C16orf87: variants seen among roughly 807,000 people sequenced by gnomAD.
C16orf87 encodes the protein HDAC and MIER1 interacting protein 1, also known as UPF0547 protein C16orf87.
A neutral mutation model predicts 21.0 loss-of-function variants in C16orf87; 13 were observed. That is an observed-to-expected ratio of 0.62 (90% CI 0.40 to 0.98). The LOEUF is 0.98. C16orf87 is among the 50% of genes least tolerant of loss of function. The pLI is 0.00. For missense variants in C16orf87, 113 were observed against 180.4 expected, an observed-to-expected ratio of 0.63 and a Z score of 2.14; for synonymous variants, 49 against 60.2, an observed-to-expected ratio of 0.81 and a Z score of 0.86.
chr16:46,812,500 A>G (rs1017177984), intron 2 of C16orf87, among the ~76,000 whole-genome samples: 3 of 152,226 alleles, frequency 2.0e-5, no homozygotes, highest in African/African-American at 7.2e-5. Flanking sequence ...TTGCTTCAAA[A>G]TGATGCAAAG....
rs1414060144 is a variant in C16orf87, at chr16:46,800,968, A to C, written c.*1984T>G. On this transcript the variant is annotated 3_prime_UTR_variant, in exon 4 of 4. Transcript: ENST00000285697. ...AGTACCTCCTTTACCATATCCAATGAATATTTTAACATGACTTTCCTGTAA... is the reference window on the plus strand; with the variant it reads ...AGTACCTCCTTTACCATATCCAATGCATATTTTAACATGACTTTCCTGTAA... The C allele has an allele frequency of 6.6e-6, 1 of 152,192 alleles. No individual in the cohort carries two copies. The highest frequency in any genetic ancestry group is 1.5e-5 in the Non-Finnish European group (1 of 68,018). 9.4% of individuals were successfully genotyped at this position (152,192 alleles called of 1,614,324 possible).
Position 46,799,974 on chromosome 16 carries a change from A to G in C16orf87, c.*2978T>C, listed in dbSNP as rs1037987998. 5 of 152,204 alleles carry G rather than the reference A, an allele frequency of 3.3e-5. No homozygotes were observed. The highest frequency in any genetic ancestry group is 2.0e-4 in the Admixed American group (3 of 15,276). The allele number at this position is 152,204 out of a possible 1,614,324, so 9.4% of individuals were successfully genotyped here. On this transcript the variant is annotated 3_prime_UTR_variant, in exon 4 of 4. Transcript: ENST00000285697. ...TTATATAAAAGTAAGTAAAGAGCTTAATTTTTCTAAATTTAAGACAAACAT... is the reference window on the plus strand; with the variant it reads ...TTATATAAAAGTAAGTAAAGAGCTTGATTTTTCTAAATTTAAGACAAACAT...
chr16:46,814,159 T>A (rs527991350), intron 2 of C16orf87, among the ~76,000 whole-genome samples: 1 of 152,310 alleles, frequency 6.6e-6, no homozygotes, highest in African/African-American at 2.4e-5. Flanking sequence ...ACCTGATGGT[T>A]CTGATAAGAA....
chr16:46,809,844 T>C, intron 2 of C16orf87, 59 bp from the exon 3 acceptor site: 1 of 1,066,022 alleles, frequency 9.4e-7, no homozygotes, highest in Admixed American at 2.2e-5. Flanking sequence ...TTTGCCCAAG[T>C]TCTCATTGTC....
chr16:46,802,283 T>C lies in C16orf87; in HGVS notation c.*669A>G, dbSNP rs1250262353. On this transcript the variant is annotated 3_prime_UTR_variant, in exon 4 of 4. Transcript: ENST00000285697. ...TACATTCAAGAAAACAAGGTGTTTA[T>C]ATCTGAGTATATCATTAAATGTTTT... 6.6e-6 allele frequency: 1 copy of C among 152,424 alleles called. No homozygotes were observed. The highest frequency in any genetic ancestry group is 1.9e-4 in the East Asian group (1 of 5,206). The allele number at this position is 152,424 out of a possible 1,614,324, so 9.4% of individuals were successfully genotyped here.
intron 2 of C16orf87, among the ~76,000 whole-genome samples, chr16:46,815,314 AC>A (rs752898516): frequency 2.6e-5 from 4 of 152,068 alleles, no homozygotes; most frequent in Non-Finnish European, 4.4e-5. Flanking sequence ...AAGCTTCATG[AC>A]ATTGGATTTT....
chr16:46,806,343 C>T (rs1967927926), intron 3 of C16orf87, among the ~76,000 whole-genome samples: 1 of 151,650 alleles, frequency 6.6e-6, no homozygotes, highest in Non-Finnish European at 1.5e-5. Flanking sequence ...CTGCAACCTC[C>T]GCCTCCTGGG....
intron 2 of C16orf87, among the ~76,000 whole-genome samples, chr16:46,822,351 T>C (rs544144178): frequency 1.3e-5 from 2 of 152,362 alleles, no homozygotes; most frequent in East Asian, 3.9e-4. Flanking sequence ...CCATGTCTTA[T>C]TCATTTTTAG....
chr16:46,814,985 C>G (rs572630758), intron 2 of C16orf87, among the ~76,000 whole-genome samples: 21 of 152,056 alleles, frequency 1.4e-4, no homozygotes, highest in Non-Finnish European at 3.1e-4. Context: ...TACTACAAAG[C>G]TATAATAATC....
intron 1 of C16orf87, 63 bp downstream of exon 1, chr16:46,831,021 C>A: frequency 1.4e-6 from 2 of 1,386,744 alleles, no homozygotes; most frequent in Non-Finnish European, 2.0e-6. Flanking sequence ...CGAGGCCCCC[C>A]TCCACAGACA....
rs2143023622 is a variant in C16orf87, at chr16:46,800,175, CCTTT to C, written c.*2773_*2776del. On this transcript the variant is annotated 3_prime_UTR_variant, in exon 4 of 4. Transcript: ENST00000285697. Reference sequence around the variant, plus strand: ...GGAAGCAACTCAGAGGTCATACTGACCTTTTTTTTTTTTTTCTTAAGTATTTCTG... The same window carrying C: ...GGAAGCAACTCAGAGGTCATACTGACTTTTTTTTTTTCTTAAGTATTTCTG... The C allele has an allele frequency of 1.6e-5, 1 of 60,624 alleles. No homozygotes were observed. Among genetic ancestry groups the C allele is most frequent in the African/African-American group, 3.8e-5 (1 of 26,242 alleles). 3.8% of individuals were successfully genotyped at this position (60,624 alleles called of 1,614,324 possible). A position where few individuals can be genotyped will look rare whatever the true frequency, so the allele number is the denominator to read the frequency against.
chr16:46,804,437 T>G (rs1967864343), intron 3 of C16orf87, among the ~76,000 whole-genome samples: 1 of 152,186 alleles, frequency 6.6e-6, no homozygotes, highest in Non-Finnish European at 1.5e-5. Flanking sequence ...GTAGCAAATT[T>G]TTTGAGACCC....
rs1967652724 is a variant in C16orf87 at position 46,797,730 on chromosome 16, C to T, written c.*5222G>A. On this transcript the variant is annotated 3_prime_UTR_variant, in exon 4 of 4. Transcript: ENST00000285697. The stretch of plus-strand genomic sequence containing the variant: ...AGTGGTAAGATTTTTCTACATTCCA[C>T]TTGAACTGGTAAAATATTGACTTCT... 1 of 152,134 alleles carries T rather than the reference C, an allele frequency of 6.6e-6. No homozygotes were observed. The highest frequency in any genetic ancestry group is 2.4e-5 in the African/African-American group (1 of 41,426). 9.4% of individuals were successfully genotyped at this position (152,134 alleles called of 1,614,324 possible). A position where few individuals can be genotyped will look rare whatever the true frequency, so the allele number is the denominator to read the frequency against.
rs958229315 is a variant in C16orf87, at chr16:46,809,717, T to G, written c.232A>C (p.Asn78His). ...VRREKINSTVNKDLENRKRSR... is the reference protein window; with the variant it reads ...VRREKINSTVHKDLENRKRSR... ...CTCTTTCTGTTTTCTAAATCTTTAT[T>G]TACTGTAGAATTTATCTTCTCTCTC... Residue 78 changes from asparagine to histidine, a missense_variant, in exon 3 of 4, where the codon AAT (asparagine) becomes CAT (histidine). Physicochemically the swap from Asn to His is moderately conservative, Grantham distance 68. Coordinates refer to ENST00000285697, the MANE Select transcript of C16orf87 (RefSeq NM_001001436.4). 2.5e-6 allele frequency: 4 copies of G among 1,609,022 alleles called. No homozygotes were observed. The highest frequency in any genetic ancestry group is 3.4e-6 in the Non-Finnish European group (4 of 1,175,584).
chr16:46,808,098 T>G, intron 3 of C16orf87: 1 of 456,036 alleles, frequency 2.2e-6, no homozygotes, highest in Non-Finnish European at 4.4e-6. Context: ...TAGTTTCCCT[T>G]CTAAAATAGG....
rs1967657894 is a variant in C16orf87, at chr16:46,797,927, A to G, written c.*5025T>C. On this transcript the variant is annotated 3_prime_UTR_variant, in exon 4 of 4. Coordinates refer to ENST00000285697, the MANE Select transcript of C16orf87 (RefSeq NM_001001436.4). Reference sequence around the variant, plus strand: ...TATAGTAATACCAAGAAAAATCAGAATATTCTAAATTGAACACAAAATTAC... The same window carrying G: ...TATAGTAATACCAAGAAAAATCAGAGTATTCTAAATTGAACACAAAATTAC... The G allele has an allele frequency of 6.6e-6, 1 of 152,182 alleles. No homozygotes were observed. Among genetic ancestry groups the G allele is most frequent in the Non-Finnish European group, 1.5e-5 (1 of 68,020 alleles). 9.4% of individuals were successfully genotyped at this position (152,182 alleles called of 1,614,324 possible). A position where few individuals can be genotyped will look rare whatever the true frequency, so the allele number is the denominator to read the frequency against.
intron 2 of C16orf87, 68 bp from the exon 3 acceptor site, chr16:46,809,853 T>C (rs1968034071): frequency 1.1e-6 from 1 of 947,818 alleles, no homozygotes; most frequent in South Asian, 1.6e-5. Flanking sequence ...GTTCTCATTG[T>C]CTTCCTTTTT....
chr16:46,824,593 T>C, intron 1 of C16orf87, 111 bp from the exon 2 acceptor site: 1 of 499,346 alleles, frequency 2.0e-6, no homozygotes, highest in South Asian at 3.6e-5. Flanking sequence ...GGAGGAATCA[T>C]GTATTTATTT....
rs1458600028 is a variant in C16orf87, at chr16:46,802,155, G to A, written c.*797C>T. ...TCAGATAAAACATTACTGCTTAAAA[G>A]TGGCTAAGAAATATTTTGCATGTAA... On this transcript the variant is annotated 3_prime_UTR_variant, in exon 4 of 4. Coordinates refer to ENST00000285697, the MANE Select transcript of C16orf87 (RefSeq NM_001001436.4). The A allele has an allele frequency of 6.6e-6, 1 of 151,286 alleles. No homozygotes were observed. Among genetic ancestry groups the A allele is most frequent in the Non-Finnish European group, 1.5e-5 (1 of 67,848 alleles). 9.4% of individuals were successfully genotyped at this position (151,286 alleles called of 1,614,324 possible).
Sources: allele counts gnomAD v4.1 joint callset (sites outside exome capture counted in the v4.1 genomes callset), GRCh38; gene constraint gnomAD v4.1.1; transcripts MANE v1.5; gene names NCBI Gene and HGNC (gene_info 2026-07-23, HGNC 2026-07-21).